ZNF804B: variants seen among roughly 807,000 people sequenced by gnomAD.
ZNF804B encodes zinc finger protein 804B, also known as zinc finger 804B.
A neutral mutation model predicts 101.4 loss-of-function variants in ZNF804B; 80 were observed. The observed-to-expected ratio is 0.79, with a 90% CI of 0.66 to 0.95. The LOEUF (loss-of-function observed/expected upper bound fraction) is 0.95. Among genes scored for constraint, ZNF804B ranks in the 40% least tolerant of loss-of-function variants. ZNF804B has a pLI of 0.00. For synonymous variants in ZNF804B, 622 were observed against 558.8 expected (o/e 1.11, Z -1.59); for missense variants, 1,673 against 1,561.9 (o/e 1.07, Z -1.20).
chr7:89,252,236 G>A (rs1212231667), intron 2 of ZNF804B, among the ~76,000 whole-genome samples: 1 of 152,102 alleles, frequency 6.6e-6, no homozygotes, highest in Admixed American at 6.6e-5. Flanking sequence ...CCCTTAAAAA[G>A]TGTGCAAAAG....
chr7:89,259,484 A>G (rs1789680536), intron 2 of ZNF804B, among the ~76,000 whole-genome samples: 1 of 152,192 alleles, frequency 6.6e-6, no homozygotes, highest in Non-Finnish European at 1.5e-5. Context: ...TATAACAATG[A>G]TGGCATCTTC....
intron 1 of ZNF804B, among the ~76,000 whole-genome samples, chr7:88,971,701 C>T (rs889596914): frequency 4.0e-5 from 6 of 151,522 alleles, no homozygotes; most frequent in African/African-American, 1.5e-4. Context: ...TGATTTGTGC[C>T]TGCCTTATCC....
At chr7:89,215,179 C>A (rs1788871280) in intron 1 of ZNF804B, among the ~76,000 whole-genome samples, 1 of 151,994 alleles carries the variant, frequency 6.6e-6, no homozygotes, top group Non-Finnish European at 1.5e-5. Context: ...AATTTCCTGG[C>A]AAGAATAATG....
chr7:89,192,971 T>C (rs1788481860), intron 1 of ZNF804B, among the ~76,000 whole-genome samples: 1 of 151,978 alleles, frequency 6.6e-6, no homozygotes, highest in Non-Finnish European at 1.5e-5. Flanking sequence ...AAAAACTCAA[T>C]AAACTAGGTA....
At chr7:88,806,571 A>C (rs1790696140) in intron 1 of ZNF804B, among the ~76,000 whole-genome samples, 1 of 151,868 alleles carries the variant, frequency 6.6e-6, no homozygotes, top group Non-Finnish European at 1.5e-5. Flanking sequence ...AAAATAATGC[A>C]TCTATCTACC....
chr7:89,310,515 T>C (rs1790636072), intron 2 of ZNF804B, among the ~76,000 whole-genome samples: 1 of 152,052 alleles, frequency 6.6e-6, no homozygotes, highest in South Asian at 2.1e-4. Flanking sequence ...TCAAAGAGAG[T>C]TCTATTTCAG....
intron 1 of ZNF804B, among the ~76,000 whole-genome samples, chr7:88,915,889 C>T (rs1279379664): frequency 6.6e-6 from 1 of 151,672 alleles, no homozygotes; most frequent in African/African-American, 2.4e-5. Flanking sequence ...TGTATTTAAA[C>T]ATGTTGTGAA....
chr7:88,921,056 G>A (rs919669340), intron 1 of ZNF804B, among the ~76,000 whole-genome samples: 2 of 151,944 alleles, frequency 1.3e-5, no homozygotes, highest in African/African-American at 2.4e-5. Flanking sequence ...CTGATAAAAC[G>A]AATGCACTAA....
chr7:88,862,195 C>T lies in ZNF804B; in HGVS notation c.108+102111C>T, dbSNP rs551912851. Among the ~76,000 whole-genome samples the T allele has an allele frequency of 7.2e-5, 11 of 152,226 alleles. No homozygotes were observed. In the East Asian group the frequency reaches 1.5e-3, roughly 21 times the overall value. Reference sequence around the variant, plus strand: ...TTATGCAGCCCATATTTTAAACTTTCTTTGAACATCTAAAACTACTTCAGG... The same window carrying T: ...TTATGCAGCCCATATTTTAAACTTTTTTTGAACATCTAAAACTACTTCAGG... On this transcript the variant is annotated intron_variant, in intron 1 of 3. Transcript: ENST00000333190.
At chr7:88,821,440 A>G (rs1790979387) in intron 1 of ZNF804B, among the ~76,000 whole-genome samples, 2 of 152,206 alleles carry the variant, frequency 1.3e-5, no homozygotes, top group Non-Finnish European at 2.9e-5. Context: ...TAAAATCCCA[A>G]TATTTCCAAT....
At chr7:89,151,215 T>C (rs543289816) in intron 1 of ZNF804B, among the ~76,000 whole-genome samples, 2 of 152,224 alleles carry the variant, frequency 1.3e-5, no homozygotes, top group South Asian at 2.1e-4. Context: ...ACTCCTCTTC[T>C]AGCAATTTAA....
intron 1 of ZNF804B, among the ~76,000 whole-genome samples, chr7:88,772,324 G>T (rs915493626): frequency 2.0e-5 from 3 of 152,088 alleles, no homozygotes; most frequent in Admixed American, 6.6e-5. Flanking sequence ...CCAATAGTAG[G>T]TCACTTTACT....
chr7:88,972,375 T>C (rs1406879950), intron 1 of ZNF804B, among the ~76,000 whole-genome samples: 1 of 151,490 alleles, frequency 6.6e-6, no homozygotes, highest in Non-Finnish European at 1.5e-5. Flanking sequence ...TTTATTTTAT[T>C]ATAAATCATG....
At chr7:88,990,374 A>G (rs1336604402) in intron 1 of ZNF804B, among the ~76,000 whole-genome samples, 1 of 152,098 alleles carries the variant, frequency 6.6e-6, no homozygotes, top group African/African-American at 2.4e-5. Context: ...GTACAGATAC[A>G]CACACATACT....
intron 1 of ZNF804B, among the ~76,000 whole-genome samples, chr7:89,062,566 G>A (rs532493421): frequency 4.0e-5 from 6 of 151,842 alleles, no homozygotes; most frequent in East Asian, 3.9e-4. Context: ...AGACTATACC[G>A]TATTATTTTT....
rs1158541173 is a variant in ZNF804B, at chr7:89,116,066, A to G, written c.109-102089A>G. On this transcript the variant is annotated intron_variant, in intron 1 of 3. Transcript: ENST00000333190. ...ACTACAGGCACATGCCACCATGCCCAGTTATTATTTTTTTTTTTTGTATTT... is the reference window on the plus strand; with the variant it reads ...ACTACAGGCACATGCCACCATGCCCGGTTATTATTTTTTTTTTTTGTATTT... Among the ~76,000 whole-genome samples the G allele has an allele frequency of 1.5e-4, 11 of 73,956 alleles. No individual in the cohort carries two copies. In the East Asian group the frequency reaches 3.4e-3, roughly 23 times the overall value. The allele number at this position is 73,956 out of a possible 152,430, so 48.5% of individuals were successfully genotyped here.
At chr7:89,192,999 A>G (rs922960813) in intron 1 of ZNF804B, among the ~76,000 whole-genome samples, 2 of 152,100 alleles carry the variant, frequency 1.3e-5, no homozygotes, top group African/African-American at 4.8e-5. Context: ...AACATGCCTT[A>G]AAATAATAAG....
chr7:89,077,884 G>A (rs867024826), intron 1 of ZNF804B, among the ~76,000 whole-genome samples: 8 of 152,064 alleles, frequency 5.3e-5, no homozygotes, highest in Non-Finnish European at 7.4e-5. Context: ...CAGAAAAACC[G>A]CAAGGGTTTT....
chr7:88,806,034 T>G (rs1011088519), intron 1 of ZNF804B, among the ~76,000 whole-genome samples: 2 of 152,002 alleles, frequency 1.3e-5, no homozygotes, highest in African/African-American at 4.8e-5. Context: ...GATCTAACTA[T>G]GAGGACCTTA....
Sources: gnomAD v4.1 joint callset for allele counts (sites outside exome capture counted in the v4.1 genomes callset) on GRCh38, gnomAD v4.1.1 for gene constraint, MANE v1.5 for transcripts, NCBI Gene and HGNC (gene_info 2026-07-23, HGNC 2026-07-21) for gene names.